The following TACC2 variants were observed in gnomAD, a reference collection of about 807,000 sequenced individuals.
TACC2 encodes the protein transforming acidic coiled-coil-containing protein 2.
TACC2 carries 137 observed loss-of-function variants against 227.3 expected under a neutral mutation model. That is an observed-to-expected ratio of 0.60 (90% CI 0.52 to 0.69). The LOEUF (loss-of-function observed/expected upper bound fraction) is 0.69, where lower values mean the gene tolerates loss of function less well. TACC2 is among the 30% of genes least tolerant of loss of function. The pLI, the probability that TACC2 is intolerant of heterozygous loss-of-function variation, is 0.00. For synonymous variants in TACC2, 1,523 were observed against 1,487.5 expected (o/e 1.02, Z -0.55); for missense variants, 3,470 against 3,694.4 (o/e 0.94, Z 1.57).
At chr10:122,142,169 T>C (rs2090669322) in intron 6 of TACC2, among the ~76,000 whole-genome samples, 1 of 152,216 alleles carries the variant, frequency 6.6e-6, no homozygotes, top group African/African-American at 2.4e-5. Flanking sequence ...TGGGCTTTCC[T>C]AGGTCGTTAT....
At chr10:122,049,180 G>C (rs1473407672) in intron 2 of TACC2, among the ~76,000 whole-genome samples, 1 of 152,228 alleles carries the variant, frequency 6.6e-6, no homozygotes, top group Non-Finnish European at 1.5e-5. Context: ...AAGGTGAAAA[G>C]GGCAATGCAT....
chr10:122,120,963 G>A (rs1426496881), intron 5 of TACC2, among the ~76,000 whole-genome samples: 2 of 152,198 alleles, frequency 1.3e-5, no homozygotes, highest in Middle Eastern at 3.4e-3. Context: ...AGGGGGTTTC[G>A]CCTTGTTGGC....
At chr10:122,155,413 A>G (rs76284124) in intron 7 of TACC2, among the ~76,000 whole-genome samples, 68 of 152,382 alleles carry the variant, frequency 4.5e-4, no homozygotes, top group Non-Finnish European at 7.9e-4. Flanking sequence ...TTCAAAGCAA[A>G]TGCGACATCA....
rs995750903 is a variant in TACC2, at chr10:122,087,759, C to T, written c.5259C>T (p.Asp1753=). Residue 1753 remains aspartate, a synonymous_variant, in exon 4 of 23, where the codon GAC becomes GAT. Coordinates refer to ENST00000369005, the MANE Select transcript of TACC2 (RefSeq NM_206862.4). The part of the protein sequence containing the change: ...PGSCQDPACS[D]KAPGMEGTAA... ...GCTGTCAGGACCCAGCCTGCTCTGACAAGGCTCCGGGGATGGAGGGTACAG... is the reference window on the plus strand; with the variant it reads ...GCTGTCAGGACCCAGCCTGCTCTGATAAGGCTCCGGGGATGGAGGGTACAG... 3.7e-6 allele frequency: 6 copies of T among 1,609,814 alleles called. No homozygotes were observed. Among genetic ancestry groups the T allele is most frequent in the African/African-American group, 1.3e-5 (1 of 74,894 alleles).
chr10:122,131,393 G>T lies in TACC2; in HGVS notation c.5574-1216G>T, dbSNP rs145287055. ...AGGGACCTCCCCGATGAAATAATAG[G>T]GTAACTGACTACAAGACGATGGGTG... is the stretch of plus-strand genomic sequence containing the variant. On this transcript the variant is annotated intron_variant, in intron 5 of 22. Transcript: ENST00000369005. 2.5e-3 allele frequency among the ~76,000 whole-genome samples: 379 copies of T among 152,144 alleles called. 3 individuals carry two copies. Among genetic ancestry groups the T allele is most frequent in the African/African-American group, 8.8e-3 (364 of 41,486 alleles).
rs778329449 is a variant in TACC2 at position 122,083,792 on chromosome 10, C to T, written c.1292C>T (p.Pro431Leu). 1.6e-5 allele frequency: 26 copies of T among 1,614,182 alleles called. 1 individual carries two copies. In the Middle Eastern group the frequency reaches 8.2e-4, roughly 51 times the overall value. ...SLASFPAAQIPIAVEEPGSSS... is the reference protein window; with the variant it reads ...SLASFPAAQILIAVEEPGSSS... Reference sequence around the variant, plus strand: ...GCTTCATTCCCAGCTGCTCAGATTCCTATTGCTGTAGAAGAACCTGGATCA... The same window carrying T: ...GCTTCATTCCCAGCTGCTCAGATTCTTATTGCTGTAGAAGAACCTGGATCA... Residue 431 changes from proline to leucine, a missense_variant, in exon 4 of 23, where the codon CCT becomes CTT. By Grantham distance (98) the Pro-to-Leu change is moderately conservative. Around this residue, in one of 10 missense-constraint regions of TACC2, gnomAD observed 1,924 missense variants for 1,978.3 expected, o/e 0.97. Transcript: ENST00000369005.
At chr10:122,044,752 GCTGTAA>G (rs918275396) in intron 2 of TACC2, among the ~76,000 whole-genome samples, 2 of 150,686 alleles carry the variant, frequency 1.3e-5, no homozygotes, top group African/African-American at 4.9e-5. Context: ...CTGGAAAATT[GCTGTAA>G]CTGTTTAAAG....
In TACC2 at chr10:122,195,868, A is replaced by G. The variant is rs2094551010; in HGVS notation, c.5971+692A>G. On this transcript the variant is annotated intron_variant, in intron 8 of 22. Coordinates refer to ENST00000369005, the MANE Select transcript of TACC2 (RefSeq NM_206862.4). ...TAGGGCCTGCCAGAAATGGTCCCAC[A>G]GGCTGGCCAGGGGGCCCAGGTGGTA... Among the ~76,000 whole-genome samples, 2 of 152,208 alleles carry G rather than the reference A, an allele frequency of 1.3e-5. 1 individual carries two copies. The highest frequency in any genetic ancestry group is 4.1e-4 in the South Asian group (2 of 4,828).
intron 2 of TACC2, among the ~76,000 whole-genome samples, chr10:122,037,105 A>G (rs919468449): frequency 6.6e-6 from 1 of 152,232 alleles, no homozygotes. Context: ...GGTTCTGGAA[A>G]AGGAACATTC....
intron 3 of TACC2, among the ~76,000 whole-genome samples, chr10:122,062,269 G>A (rs1162226190): frequency 1.3e-5 from 2 of 151,724 alleles, no homozygotes; most frequent in African/African-American, 2.4e-5. Flanking sequence ...TCCTGACCTT[G>A]TGATCTGCCC....
intron 2 of TACC2, 117 bp downstream of exon 2, chr10:122,022,131 G>A (rs150399623): frequency 1.1e-5 from 11 of 969,990 alleles, no homozygotes; most frequent in East Asian, 7.5e-5. Flanking sequence ...CAGCTTCTGC[G>A]TAGATGTGTG....
intron 6 of TACC2, among the ~76,000 whole-genome samples, chr10:122,134,761 C>T (rs973652624): frequency 6.6e-5 from 10 of 152,222 alleles, no homozygotes; most frequent in African/African-American, 2.4e-4. Context: ...CCGATGCTCC[C>T]ATCTTACAGT....
At position 122,150,873 on chromosome 10, in the gene TACC2, G is replaced by A. The variant is rs1360385252; in HGVS notation, c.5834+7167G>A. Among the ~76,000 whole-genome samples, 6 of 152,152 alleles carry A rather than the reference G, an allele frequency of 3.9e-5. No individual in the cohort carries two copies. The highest frequency in any genetic ancestry group is 1.4e-4 in the African/African-American group (6 of 41,452). ...GCCAGCCTCTCGGCAGATACATCCC[G>A]GTTGATTCTATGCCACGGACTATTC... On this transcript the variant is annotated intron_variant, in intron 7 of 22. Coordinates refer to ENST00000369005, the MANE Select transcript of TACC2 (RefSeq NM_206862.4). This position sits in a 1 kb window ranked among gnomAD's most constrained non-coding sequence, Gnocchi z 4.0.
chr10:122,172,761 C>T (rs959258387), intron 7 of TACC2, among the ~76,000 whole-genome samples: 3 of 152,118 alleles, frequency 2.0e-5, no homozygotes, highest in Admixed American at 2.0e-4. Flanking sequence ...AGGAGCATCC[C>T]TCACAGCACC....
In TACC2 at chr10:122,045,093, T is replaced by TCC. The variant is rs112925919; in HGVS notation, c.34-5343_34-5342dup. Among the ~76,000 whole-genome samples, 6 of 152,210 alleles carry TCC rather than the reference T, an allele frequency of 3.9e-5. 2 individuals are homozygous for TCC. The highest frequency in any genetic ancestry group is 1.4e-4 in the African/African-American group (6 of 41,544). On this transcript the variant is annotated intron_variant, in intron 2 of 22. Coordinates refer to ENST00000369005, the MANE Select transcript of TACC2 (RefSeq NM_206862.4). ...AGGGAAATGTGGCAAAAGCGAGAGTTCCCAGGGCTGAGGGTACGTCTTTCG... is the reference window on the plus strand; with the variant it reads ...AGGGAAATGTGGCAAAAGCGAGAGTTCCCCCAGGGCTGAGGGTACGTCTTTCG...
Position 122,088,804 on chromosome 10 carries a change from A to C in TACC2, c.5573+213A>C, listed in dbSNP as rs1294227527. On this transcript the variant is annotated intron_variant, in intron 5 of 22. Transcript: ENST00000369005. The stretch of plus-strand genomic sequence containing the variant: ...AAAAGGGATTGAATGAGTTGCTTTC[A>C]TACTTGAGTTTATTACCTTAAATTT... 2.7e-6 allele frequency: 4 copies of C among 1,466,826 alleles called. No homozygotes were observed. In the Admixed American group the frequency reaches 6.5e-5, roughly 24 times the overall value. 90.9% of individuals were successfully genotyped at this position (1,466,826 alleles called of 1,614,324 possible). A position where few individuals can be genotyped will look rare whatever the true frequency, so the allele number is the denominator to read the frequency against.
intron 3 of TACC2, among the ~76,000 whole-genome samples, chr10:122,069,251 T>A (rs2136658606): frequency 6.6e-6 from 1 of 152,162 alleles, no homozygotes; most frequent in East Asian, 1.9e-4. Flanking sequence ...TTTATTTTTT[T>A]TTTTTTTTGA....
chr10:122,005,143 G>A (rs1954906867), intron 1 of TACC2, among the ~76,000 whole-genome samples: 1 of 149,626 alleles, frequency 6.7e-6, no homozygotes, highest in Non-Finnish European at 1.5e-5. Flanking sequence ...GTGCAATGGT[G>A]CAATCCGGGC....
Position 122,210,129 on chromosome 10 carries a change from T to C in TACC2, c.5972-268T>C. 2.0e-6 allele frequency: 1 copy of C among 511,776 alleles called. No individual in the cohort carries two copies. The highest frequency in any genetic ancestry group is 3.5e-6 in the Non-Finnish European group (1 of 283,432). The allele number at this position is 511,776 out of a possible 1,614,324, so 31.7% of individuals were successfully genotyped here. A position where few individuals can be genotyped will look rare whatever the true frequency, so the allele number is the denominator to read the frequency against. On this transcript the variant is annotated intron_variant, in intron 8 of 22. Coordinates refer to ENST00000369005, the MANE Select transcript of TACC2 (RefSeq NM_206862.4). This position sits in a 1 kb window ranked among gnomAD's most constrained non-coding sequence, Gnocchi z 4.6. The stretch of plus-strand genomic sequence containing the variant: ...TGATTAGGCACTTGGTGAATGTTTT[T>C]GAATGAATACTCTGAGCTGTTCTTT...
Sources: gnomAD v4.1 joint callset for allele counts (sites outside exome capture counted in the v4.1 genomes callset) on GRCh38, gnomAD v4.1.1 for gene constraint, gnomAD v4.1.1 regional missense constraint, Gnocchi (gnomAD v3.1) non-coding constraint, MANE v1.5 for transcripts, NCBI Gene and HGNC (gene_info 2026-07-23, HGNC 2026-07-21) for gene names.